MICU1: variants seen among roughly 807,000 people sequenced by gnomAD.
The protein encoded by MICU1 is calcium uptake protein 1, mitochondrial.
In MICU1, 45 loss-of-function variants were observed where a neutral mutation model predicts 56.8. The ratio of observed to expected loss-of-function variants is 0.79; its 90% CI spans 0.62 to 1.02. The LOEUF is 1.02. Ranked by LOEUF, MICU1 falls within the 50% of genes least tolerant of loss-of-function variation. MICU1 has a pLI of 0.00. For synonymous variants in MICU1, 186 were observed against 195.1 expected, an observed-to-expected ratio of 0.95 and a Z score of 0.39; for missense variants, 504 against 587.1, an observed-to-expected ratio of 0.86 and a Z score of 1.46.
chr10:72,459,237 A>G (rs560645578), intron 8 of MICU1, among the ~76,000 whole-genome samples: 1 of 152,250 alleles, frequency 6.6e-6, no homozygotes, highest in East Asian at 1.9e-4. Context: ...AGGCTGAGGC[A>G]GGAGCATTGC....
At chr10:72,475,432 CA>C in intron 7 of MICU1, 135 bp from the exon 8 acceptor site, 1 of 762,006 alleles carries the variant, frequency 1.3e-6, no homozygotes, top group Non-Finnish European at 1.9e-6. Flanking sequence ...ATGCTTACAA[CA>C]ATTTTTTTTT....
intron 3 of MICU1, among the ~76,000 whole-genome samples, chr10:72,559,975 G>A (rs767697210): frequency 5.3e-5 from 8 of 152,136 alleles, no homozygotes; most frequent in South Asian, 4.1e-4. Context: ...GATGATCTGC[G>A]GTGGAACGGT....
At chr10:72,492,343 T>C (rs1054657654) in intron 6 of MICU1, among the ~76,000 whole-genome samples, 1 of 152,130 alleles carries the variant, frequency 6.6e-6, no homozygotes, top group Non-Finnish European at 1.5e-5. Flanking sequence ...CCGAGAGATA[T>C]GAGAATGTCT....
chr10:72,368,158 T>C lies in MICU1; in HGVS notation c.*37A>G. ...GAGACTCTGCGGAGGGGGTCCAGGG[T>C]ACTGGGGGTGGAGGGGTCCCCTCTT... On this transcript the variant is annotated 3_prime_UTR_variant, in exon 12 of 12. Transcript: ENST00000361114. 6.3e-7 allele frequency: 1 copy of C among 1,592,372 alleles called. No homozygotes were observed. Among genetic ancestry groups the C allele is most frequent in the Non-Finnish European group, 8.6e-7 (1 of 1,166,122 alleles).
chr10:72,433,326 A>G (rs890320793), intron 8 of MICU1, among the ~76,000 whole-genome samples: 1 of 149,052 alleles, frequency 6.7e-6, no homozygotes, highest in Non-Finnish European at 1.5e-5. Context: ...TCATCACTGC[A>G]ACCTCTATCT....
intron 8 of MICU1, among the ~76,000 whole-genome samples, chr10:72,437,447 A>C (rs745924088): frequency 7.9e-5 from 12 of 152,230 alleles, no homozygotes; most frequent in African/African-American, 1.2e-4. Flanking sequence ...AAACTTGCCA[A>C]ATTGTAAAGA....
At chr10:72,492,199 G>A (rs1866679558) in intron 6 of MICU1, among the ~76,000 whole-genome samples, 1 of 152,150 alleles carries the variant, frequency 6.6e-6, no homozygotes, top group Non-Finnish European at 1.5e-5. Flanking sequence ...CGGACTGGAA[G>A]TCTTTGGGGG....
At chr10:72,582,401 C>A (rs956433163) in intron 1 of MICU1, among the ~76,000 whole-genome samples, 8 of 152,202 alleles carry the variant, frequency 5.3e-5, no homozygotes, top group Non-Finnish European at 1.2e-4. Flanking sequence ...TCTTTGCCCA[C>A]TAACACCTTA....
At chr10:72,557,335 G>A (rs545360821) in intron 3 of MICU1, among the ~76,000 whole-genome samples, 1 of 152,198 alleles carries the variant, frequency 6.6e-6, no homozygotes, top group African/African-American at 2.4e-5. Context: ...CACCATTCCA[G>A]CTCTCAGGAA....
chr10:72,612,642 T>G (rs1841881227), intron 1 of MICU1, among the ~76,000 whole-genome samples: 1 of 151,940 alleles, frequency 6.6e-6, no homozygotes, highest in African/African-American at 2.4e-5. Flanking sequence ...CAAAAAACAA[T>G]TTTAAAAAAT....
At chr10:72,466,075 C>T (rs751814198) in intron 8 of MICU1, among the ~76,000 whole-genome samples, 1 of 152,168 alleles carries the variant, frequency 6.6e-6, no homozygotes, top group Non-Finnish European at 1.5e-5. Context: ...CTCTCTGGCA[C>T]ATCTACATTA....
At chr10:72,467,395 C>G (rs1865827537) in intron 8 of MICU1, among the ~76,000 whole-genome samples, 1 of 151,992 alleles carries the variant, frequency 6.6e-6, no homozygotes, top group South Asian at 2.1e-4. Flanking sequence ...TCTTGGTCAG[C>G]CTAGTCTCAT....
At chr10:72,384,200 G>T (rs934886451) in intron 10 of MICU1, among the ~76,000 whole-genome samples, 1 of 152,010 alleles carries the variant, frequency 6.6e-6, no homozygotes, top group Admixed American at 6.6e-5. Flanking sequence ...TCACCATGTT[G>T]CCCAGGCTGG....
intron 10 of MICU1, among the ~76,000 whole-genome samples, chr10:72,403,875 T>C (rs543128525): frequency 2.4e-4 from 37 of 152,236 alleles, no homozygotes; most frequent in South Asian, 2.1e-3. Flanking sequence ...CAGGATGGTC[T>C]CGATCTCCTG....
intron 8 of MICU1, among the ~76,000 whole-genome samples, chr10:72,432,609 G>A (rs534780325): frequency 2.1e-4 from 32 of 152,284 alleles, no homozygotes; most frequent in African/African-American, 7.5e-4. Flanking sequence ...GTTGAAGTGG[G>A]AGCAGGCATA....
At chr10:72,509,005 A>G (rs2132349596) in intron 5 of MICU1, among the ~76,000 whole-genome samples, 1 of 152,328 alleles carries the variant, frequency 6.6e-6, no homozygotes, top group Non-Finnish European at 1.5e-5. Context: ...AAAGAAAGTT[A>G]GTTCTCAGCT....
At chr10:72,589,269 A>T (rs1349503105) in intron 1 of MICU1, among the ~76,000 whole-genome samples, 5 of 151,684 alleles carry the variant, frequency 3.3e-5, no homozygotes. Context: ...AGCCTGGGCG[A>T]CTGACTGAAA....
chr10:72,463,594 C>T (rs1250841868), intron 8 of MICU1, among the ~76,000 whole-genome samples: 2 of 152,138 alleles, frequency 1.3e-5, no homozygotes, highest in Non-Finnish European at 2.9e-5. Flanking sequence ...GGAGATTCTA[C>T]CATATACAGT....
chr10:72,605,787 T>C lies in MICU1; in HGVS notation c.-2+20223A>G, dbSNP rs558927541. Among the ~76,000 whole-genome samples the C allele has an allele frequency of 5.9e-5, 9 of 152,316 alleles. No homozygotes were observed. The South Asian group carries it at 8.3e-4, about 14-fold the overall frequency. On this transcript the variant is annotated intron_variant, in intron 1 of 11. Coordinates refer to ENST00000361114, the MANE Select transcript of MICU1 (RefSeq NM_001195518.2). ...TGGATTTTGGTATCCGAGGGGGTCC[T>C]GGAACCAATCCTCACAGATATCATG... is the stretch of plus-strand genomic sequence containing the variant.
Sources: allele counts gnomAD v4.1 joint callset (sites outside exome capture counted in the v4.1 genomes callset), GRCh38; gene constraint gnomAD v4.1.1; transcripts MANE v1.5; gene names NCBI Gene and HGNC (gene_info 2026-07-23, HGNC 2026-07-21).